The following ATP6V0B variants were observed in gnomAD, a reference collection of about 807,000 sequenced individuals.
ATP6V0B encodes the protein V-type proton ATPase 21 kDa proteolipid subunit c''.
ATP6V0B carries 4 observed loss-of-function variants against 26.2 expected under a neutral mutation model. That is an observed-to-expected ratio of 0.15 (90% confidence interval 0.08 to 0.35). The LOEUF (loss-of-function observed/expected upper bound fraction) is 0.35. Among genes scored for constraint, ATP6V0B ranks in the 10% least tolerant of loss-of-function variants. The pLI, the probability that ATP6V0B is intolerant of heterozygous loss-of-function variation, is 1.00. For missense variants in ATP6V0B, 175 were observed against 272.5 expected, an observed-to-expected ratio of 0.64 and a Z score of 2.52; for synonymous variants, 110 against 105.8, an observed-to-expected ratio of 1.04 and a Z score of -0.24.
chr1:43,977,680 T>C (rs1194053571), intron 7 of ATP6V0B: 1 of 1,426,078 alleles, frequency 7.0e-7, no homozygotes, highest in Non-Finnish European at 9.1e-7. Flanking sequence ...TGTCTGACAG[T>C]GTGTGAGTTT....
In ATP6V0B at chr1:43,976,216, T is replaced by TG; in HGVS notation, c.200+45dup. 6.2e-7 allele frequency: 1 copy of TG among 1,609,932 alleles called. No homozygotes were observed. The highest frequency in any genetic ancestry group is 2.2e-5 in the East Asian group (1 of 44,858). On this transcript the variant is annotated intron_variant, in intron 3 of 7. Coordinates refer to ENST00000472174, the MANE Select transcript of ATP6V0B (RefSeq NM_004047.5). The surrounding 1 kb of genome is among the most constrained non-coding windows in gnomAD (Gnocchi z 4.6). ...GGGACTGGGGGCAGGGGCTGAGTCATGGCAGGTGGTGTCACTGGGGTCTTA... is the reference window on the plus strand; with the variant it reads ...GGGACTGGGGGCAGGGGCTGAGTCATGGGCAGGTGGTGTCACTGGGGTCTTA...
At chr1:43,975,436 G>A in intron 1 of ATP6V0B, 1 of 547,780 alleles carries the variant, frequency 1.8e-6, no homozygotes, top group Non-Finnish European at 3.2e-6. Flanking sequence ...GGCTGCTCCG[G>A]TTCCTCTTTT....
intron 7 of ATP6V0B, chr1:43,977,677 C>CAGTGTGTG (rs2085537831): frequency 1.4e-6 from 2 of 1,426,704 alleles, no homozygotes; most frequent in African/African-American, 1.4e-5. Context: ...GTCTGTCTGA[C>CAGTGTGTG]AGTGTGTGAG....
chr1:43,976,232 T>G lies in ATP6V0B; in HGVS notation c.200+59T>G. ...GCTGAGTCATGGCAGGTGGTGTCAC[T>G]GGGGTCTTAGGCATGCTGAGGGCAG... On this transcript the variant is annotated intron_variant, in intron 3 of 7. Transcript: ENST00000472174. The surrounding 1 kb of genome is among the most constrained non-coding windows in gnomAD (Gnocchi z 4.6). 1 of 1,609,892 alleles carries G rather than the reference T, an allele frequency of 6.2e-7. No homozygotes were observed. The highest frequency in any genetic ancestry group is 8.5e-7 in the Non-Finnish European group (1 of 1,176,282).
Position 43,976,985 on chromosome 1 carries a change from T to C in ATP6V0B, c.401-41T>C. The C allele has an allele frequency of 6.2e-7, 1 of 1,601,218 alleles. No homozygotes were observed. The highest frequency in any genetic ancestry group is 1.7e-4 in the Middle Eastern group (1 of 5,894). ...GCCCCATTAGCCCATATCTCCCCCA[T>C]TCCTGGCTTAGCCTCACTGCACCCC... On this transcript the variant is annotated intron_variant, in intron 6 of 7. Coordinates refer to ENST00000472174, the MANE Select transcript of ATP6V0B (RefSeq NM_004047.5). The surrounding 1 kb of genome is among the most constrained non-coding windows in gnomAD (Gnocchi z 4.6).
At position 43,976,647 on chromosome 1, in the gene ATP6V0B, C is replaced by T. The variant is rs746213678; in HGVS notation, c.336C>T (p.Ser112=). ...GCATCATCATGGCAATTGTCATTAG[C>T]AACATGGCTGAGGTATGGAAGGCCA... ...IYGIIMAIVI[S]NMAEPFSATD... Residue 112 remains serine (S), a synonymous_variant, in exon 5 of 8, where the codon AGC becomes AGT. Transcript: ENST00000472174. The surrounding 1 kb of genome is among the most constrained non-coding windows in gnomAD (Gnocchi z 4.6). The T allele has an allele frequency of 1.9e-6, 3 of 1,614,224 alleles. No homozygotes were observed. Among genetic ancestry groups the T allele is most frequent in the South Asian group, 1.1e-5 (1 of 91,084 alleles).
chr1:43,975,669 A>C (rs1177621304), intron 1 of ATP6V0B, 131 bp from the exon 2 acceptor site: 1 of 972,476 alleles, frequency 1.0e-6, no homozygotes, highest in Non-Finnish European at 1.6e-6. Context: ...ACACAGCTGT[A>C]CTGTCACCTG....
chr1:43,976,883 C>A lies in ATP6V0B; in HGVS notation c.400+59C>A. On this transcript the variant is annotated intron_variant, in intron 6 of 7. Transcript: ENST00000472174. This position sits in a 1 kb window ranked among gnomAD's most constrained non-coding sequence, Gnocchi z 4.6. The stretch of plus-strand genomic sequence containing the variant: ...GGACTTCATGCCTGCTTCCACTCTC[C>A]CCCATCCCAGCTTGGGCCATCATTT... 6.2e-7 allele frequency: 1 copy of A among 1,607,134 alleles called. No individual in the cohort carries two copies. The highest frequency in any genetic ancestry group is 8.5e-7 in the Non-Finnish European group (1 of 1,173,948).
chr1:43,977,342 T>G lies in ATP6V0B; in HGVS notation c.591+126T>G, dbSNP rs755827844. ...TAGATTCCCCCAAACAGCTTCCACC[T>G]CCTCATTTCCATCTTCTGGTTTTCT... On this transcript the variant is annotated intron_variant, in intron 7 of 7. Transcript: ENST00000472174. 25 of 1,565,016 alleles carry G rather than the reference T, an allele frequency of 1.6e-5. No homozygotes were observed. The highest frequency in any genetic ancestry group is 3.8e-5 in the Admixed American group (2 of 52,638).
At position 43,976,207 on chromosome 1, in the gene ATP6V0B, G is replaced by C. The variant is rs374437044; in HGVS notation, c.200+34G>C. The stretch of plus-strand genomic sequence containing the variant: ...TGGGGTGGTGGGACTGGGGGCAGGG[G>C]CTGAGTCATGGCAGGTGGTGTCACT... On this transcript the variant is annotated intron_variant, in intron 3 of 7. Coordinates refer to ENST00000472174, the MANE Select transcript of ATP6V0B (RefSeq NM_004047.5). This position sits in a 1 kb window ranked among gnomAD's most constrained non-coding sequence, Gnocchi z 4.6. 8.1e-6 allele frequency: 13 copies of C among 1,610,728 alleles called. No homozygotes were observed. Among genetic ancestry groups the C allele is most frequent in the Non-Finnish European group, 8.5e-6 (10 of 1,177,158 alleles).
At position 43,978,112 on chromosome 1, in the gene ATP6V0B, C is replaced by T; in HGVS notation, c.*105C>T. 1.3e-6 allele frequency: 2 copies of T among 1,499,258 alleles called. No individual in the cohort carries two copies. Among genetic ancestry groups the T allele is most frequent in the South Asian group, 1.1e-5 (1 of 88,606 alleles). The allele number at this position is 1,499,258 out of a possible 1,614,324, so 92.9% of individuals were successfully genotyped here. A position where few individuals can be genotyped will look rare whatever the true frequency, so the allele number is the denominator to read the frequency against. Reference sequence around the variant, plus strand: ...CCTTTCAGAGGCTTGGTGTTCAGGGCCCTCCCTGCACTCCCCTCTTGCTGC... The same window carrying T: ...CCTTTCAGAGGCTTGGTGTTCAGGGTCCTCCCTGCACTCCCCTCTTGCTGC... On this transcript the variant is annotated 3_prime_UTR_variant, in exon 8 of 8. Transcript: ENST00000472174.
rs747809739 is a variant in ATP6V0B at position 43,978,006 on chromosome 1, AGAT to A, written c.*3_*5del. The A allele has an allele frequency of 6.2e-6, 10 of 1,614,060 alleles. No individual in the cohort carries two copies. Among genetic ancestry groups the A allele is most frequent in the East Asian group, 2.2e-5 (1 of 44,900 alleles). ...ACCTCCAGAGTGAAGATGGGTGACT[AGAT>A]GATATGTGTGGGTGGGGCCGTGCCT... On this transcript the variant is annotated stop_retained_variant and 3_prime_UTR_variant, in exon 8 of 8. Transcript: ENST00000472174.
In ATP6V0B at chr1:43,976,557, C is replaced by T; in HGVS notation, c.279-33C>T. ...TTTCTTTCTCATTTCTTTCTCCTTT[C>T]CACTCCTTACCCCTAATCTCTACCA... On this transcript the variant is annotated intron_variant, in intron 4 of 7. Transcript: ENST00000472174. This position sits in a 1 kb window ranked among gnomAD's most constrained non-coding sequence, Gnocchi z 4.6. 1 of 1,610,404 alleles carries T rather than the reference C, an allele frequency of 6.2e-7. No homozygotes were observed. Among genetic ancestry groups the T allele is most frequent in the Non-Finnish European group, 8.5e-7 (1 of 1,176,726 alleles).
At position 43,974,969 on chromosome 1, in the gene ATP6V0B, GA is replaced by G; in HGVS notation, c.-71del. 1 of 1,164,876 alleles carries G rather than the reference GA, an allele frequency of 8.6e-7. No individual in the cohort carries two copies. Among genetic ancestry groups the G allele is most frequent in the Non-Finnish European group, 1.1e-6 (1 of 915,888 alleles). The allele number at this position is 1,164,876 out of a possible 1,614,324, so 72.2% of individuals were successfully genotyped here. A position where few individuals can be genotyped will look rare whatever the true frequency, so the allele number is the denominator to read the frequency against. On this transcript the variant is annotated 5_prime_UTR_variant, in exon 1 of 8. Transcript: ENST00000472174. ...TGCGGGGCGGGCGGACAGACTGCGG[GA>G]CGGACGGTGGACGCTGGGACGCGTT...
At chr1:43,977,781 C>G in intron 7 of ATP6V0B, 200 bp from the exon 8 acceptor site, 1 of 1,495,972 alleles carries the variant, frequency 6.7e-7, no homozygotes, top group Non-Finnish European at 8.9e-7. Context: ...TATGCCACTT[C>G]TCTCCGTCTG....
intron 7 of ATP6V0B, 95 bp from the exon 8 acceptor site, chr1:43,977,886 C>T (rs984038282): frequency 1.2e-6 from 2 of 1,613,472 alleles, no homozygotes; most frequent in Non-Finnish European, 1.7e-6. Flanking sequence ...GTGGTCTGTC[C>T]ATCCAACCAT....
In ATP6V0B at chr1:43,976,127, C is replaced by G; in HGVS notation, c.154C>G (p.Leu52Val). 2 of 1,614,118 alleles carry G rather than the reference C, an allele frequency of 1.2e-6. No homozygotes were observed. Among genetic ancestry groups the G allele is most frequent in the Non-Finnish European group, 1.7e-6 (2 of 1,180,024 alleles). The change falls in exon 3 of 8, where the codon CTG becomes GTG. Residue 52 changes from leucine (L) to valine (V), a missense_variant. Leu to Val is a conservative substitution (Grantham distance 32). Around this residue, in one of 3 missense-constraint regions of ATP6V0B, gnomAD observed 75 missense variants for 94.7 expected, o/e 0.79. Transcript: ENST00000472174. This position sits in a 1 kb window ranked among gnomAD's most constrained non-coding sequence, Gnocchi z 4.6. ...GACTTCGCCCTTCATGTGGTCCAACCTGGGCATTGGCCTAGCTATCTCCCT... is the reference window on the plus strand; with the variant it reads ...GACTTCGCCCTTCATGTGGTCCAACGTGGGCATTGGCCTAGCTATCTCCCT... ...TETSPFMWSN[L>V]GIGLAISLSV... is the part of the protein sequence containing the mutation.
intron 1 of ATP6V0B, chr1:43,975,414 C>A: frequency 1.8e-6 from 1 of 547,744 alleles, no homozygotes; most frequent in South Asian, 2.2e-5. Flanking sequence ...CCGGCCCGCT[C>A]GGTCACAAGC....
intron 2 of ATP6V0B, 59 bp downstream of exon 2, chr1:43,975,907 T>C: frequency 6.5e-7 from 1 of 1,541,246 alleles, no homozygotes; most frequent in Non-Finnish European, 8.8e-7. Context: ...CCTCTCTTCT[T>C]TTCTCTGGTC....
Sources: allele counts gnomAD v4.1 joint callset, GRCh38; gene constraint gnomAD v4.1.1; regional missense constraint gnomAD v4.1.1; non-coding constraint Gnocchi (gnomAD v3.1); transcripts MANE v1.5; gene names NCBI Gene and HGNC (gene_info 2026-07-23, HGNC 2026-07-21).